Variants in PRKCA observed in about 807,000 individuals in gnomAD.
The protein encoded by PRKCA is protein kinase C alpha type.
Under a neutral mutation model 87.0 loss-of-function variants are expected in PRKCA, and 27 were observed. That is an observed-to-expected ratio of 0.31 (90% CI 0.23 to 0.43). The LOEUF (loss-of-function observed/expected upper bound fraction) is 0.43, where lower values mean the gene tolerates loss of function less well. Ranked by LOEUF, PRKCA falls within the 20% of genes least tolerant of loss-of-function variation. PRKCA has a pLI of 1.00. For missense variants in PRKCA, 518 were observed against 852.3 expected, an observed-to-expected ratio of 0.61 and a Z score of 4.88; for synonymous variants, 329 against 311.1, an observed-to-expected ratio of 1.06 and a Z score of -0.61.
intron 2 of PRKCA, among the ~76,000 whole-genome samples, chr17:66,369,130 A>G (rs1270797827): frequency 6.6e-6 from 1 of 152,212 alleles, no homozygotes; most frequent in African/African-American, 2.4e-5. Context: ...ACAGCTTATA[A>G]TTCAGCTTGT....
chr17:66,555,731 T>A lies in PRKCA; in HGVS notation c.288+59448T>A, dbSNP rs901646143. 1.6e-4 allele frequency among the ~76,000 whole-genome samples: 14 copies of A among 88,300 alleles called. No homozygotes were observed. The East Asian group carries it at 2.4e-3, about 15-fold the overall frequency. The allele number at this position is 88,300 out of a possible 152,430, so 57.9% of individuals were successfully genotyped here. A position where few individuals can be genotyped will look rare whatever the true frequency, so the allele number is the denominator to read the frequency against. On this transcript the variant is annotated intron_variant, in intron 3 of 16. Coordinates refer to ENST00000413366, the MANE Select transcript of PRKCA (RefSeq NM_002737.3). ...TTTGGATTGCAGGTTTAAAAAAAAA[T>A]TTTTTTTTTATTGCTGAGACTTCTA...
intron 2 of PRKCA, among the ~76,000 whole-genome samples, chr17:66,456,833 A>AT (rs1339834756): frequency 6.6e-6 from 1 of 152,212 alleles, no homozygotes; most frequent in Non-Finnish European, 1.5e-5. Context: ...AGCCCGTACT[A>AT]GCCTTGGAGG....
At chr17:66,356,815 T>C (rs1291158827) in intron 2 of PRKCA, among the ~76,000 whole-genome samples, 1 of 152,152 alleles carries the variant, frequency 6.6e-6, no homozygotes, top group African/African-American at 2.4e-5. Flanking sequence ...ACTGGAGTGG[T>C]GTGATTTCAG....
At chr17:66,521,674 T>C (rs563559278) in intron 3 of PRKCA, among the ~76,000 whole-genome samples, 2 of 152,224 alleles carry the variant, frequency 1.3e-5, no homozygotes, top group African/African-American at 4.8e-5. Flanking sequence ...TTACAGTAAA[T>C]ATTGAAAAGA....
rs1917221418 is a variant in PRKCA, at chr17:66,511,382, G to A, written c.288+15099G>A. ...GACCAAGGAAGCTTGAAAAAGAAGG[G>A]GAGTTCATACAGCAGGTCTTAAAAT... On this transcript the variant is annotated intron_variant, in intron 3 of 16. Coordinates refer to ENST00000413366, the MANE Select transcript of PRKCA (RefSeq NM_002737.3). Among the ~76,000 whole-genome samples, 3 of 152,088 alleles carry A rather than the reference G, an allele frequency of 2.0e-5. No individual in the cohort carries two copies. In the South Asian group the frequency reaches 6.2e-4, roughly 32 times the overall value.
At chr17:66,420,908 C>T (rs1912453256) in intron 2 of PRKCA, among the ~76,000 whole-genome samples, 1 of 152,204 alleles carries the variant, frequency 6.6e-6, no homozygotes, top group South Asian at 2.1e-4. Flanking sequence ...TCAAAACCCC[C>T]TTCACATAAT....
At chr17:66,623,401 C>T (rs1020445871) in intron 3 of PRKCA, among the ~76,000 whole-genome samples, 6 of 152,108 alleles carry the variant, frequency 3.9e-5, no homozygotes, top group East Asian at 3.9e-4. Flanking sequence ...GTGTCACCCA[C>T]GAAGGAATGG....
At chr17:66,362,062 T>C (rs758515715) in intron 2 of PRKCA, among the ~76,000 whole-genome samples, 1 of 151,932 alleles carries the variant, frequency 6.6e-6, no homozygotes, top group Non-Finnish European at 1.5e-5. Flanking sequence ...TGATACGGAG[T>C]TTCGCTCTTG....
At chr17:66,759,513 A>G (rs186261683) in intron 13 of PRKCA, among the ~76,000 whole-genome samples, 36 of 149,312 alleles carry the variant, frequency 2.4e-4, no homozygotes, top group Admixed American at 1.9e-3. Context: ...AAGAGGCAGA[A>G]AAAGAGTGGG....
intron 13 of PRKCA, among the ~76,000 whole-genome samples, chr17:66,756,242 G>A (rs9892350): frequency 0.079 from 12,014 of 152,134 alleles, 524 homozygotes; most frequent in African/African-American, 0.11. Context: ...CTCAGGAGAC[G>A]CTAATGTGAG....
At chr17:66,433,048 A>G (rs1469650681) in intron 2 of PRKCA, among the ~76,000 whole-genome samples, 1 of 152,054 alleles carries the variant, frequency 6.6e-6, no homozygotes, top group Non-Finnish European at 1.5e-5. Flanking sequence ...AGCCGGGGGG[A>G]AGGAGGTAGT....
At chr17:66,338,740 A>G (rs1269848344) in intron 2 of PRKCA, among the ~76,000 whole-genome samples, 1 of 152,200 alleles carries the variant, frequency 6.6e-6, no homozygotes, top group Non-Finnish European at 1.5e-5. Context: ...TGTGGAATGT[A>G]CTATAACCAA....
At chr17:66,316,737 G>T (rs1398436252) in intron 2 of PRKCA, among the ~76,000 whole-genome samples, 1 of 152,050 alleles carries the variant, frequency 6.6e-6, no homozygotes, top group Non-Finnish European at 1.5e-5. Flanking sequence ...ATAGCATCAT[G>T]TTGGGAGTCC....
chr17:66,565,089 CTTA>C (rs1968845909), intron 3 of PRKCA, among the ~76,000 whole-genome samples: 1 of 152,204 alleles, frequency 6.6e-6, no homozygotes, highest in African/African-American at 2.4e-5. Flanking sequence ...GGTCCCAACA[CTTA>C]TTATGGATGT....
chr17:66,745,187 A>C (rs1974244511), intron 13 of PRKCA, among the ~76,000 whole-genome samples: 1 of 152,178 alleles, frequency 6.6e-6, no homozygotes, highest in African/African-American at 2.4e-5. Flanking sequence ...GAACCTCCTC[A>C]CTGTCCTCAA....
intron 5 of PRKCA, among the ~76,000 whole-genome samples, chr17:66,671,735 G>A (rs542068624): frequency 1.3e-5 from 2 of 152,320 alleles, no homozygotes; most frequent in South Asian, 2.1e-4. Context: ...CTGTGTACCT[G>A]GATGGAGAAA....
At chr17:66,518,708 A>G (rs1373488547) in intron 3 of PRKCA, among the ~76,000 whole-genome samples, 6 of 152,236 alleles carry the variant, frequency 3.9e-5, no homozygotes, top group Non-Finnish European at 1.5e-5. Flanking sequence ...CATTCAAAAA[A>G]GAAAAGATTT....
intron 2 of PRKCA, among the ~76,000 whole-genome samples, chr17:66,452,927 T>C (rs1914396951): frequency 6.6e-6 from 1 of 152,234 alleles, no homozygotes; most frequent in African/African-American, 2.4e-5. Flanking sequence ...TTATAAGGGC[T>C]GGTGTCTTAA....
rs761243704 is a variant in PRKCA at position 66,302,871 on chromosome 17, G to A, written c.20G>A (p.Gly7Asp). 6.2e-7 allele frequency: 1 copy of A among 1,608,626 alleles called. No individual in the cohort carries two copies. Among genetic ancestry groups the A allele is most frequent in the South Asian group, 1.1e-5 (1 of 90,282 alleles). ...GGGACCATGGCTGACGTTTTCCCGG[G>A]CAACGACTCCACGGCGTCTCAGGAC... MADVFP[G>D]NDSTASQDVA... is the part of the protein sequence containing the mutation. The change falls in exon 1 of 17, where the codon GGC (glycine) becomes GAC (aspartate). Residue 7 changes from glycine (G) to aspartate (D), a missense_variant. By Grantham distance (94) the Gly-to-Asp change is moderately conservative. This residue lies in a region of PRKCA where 33 missense variants were observed against 34.1 expected (regional missense o/e 0.97). Transcript: ENST00000413366.
Sources: allele counts gnomAD v4.1 joint callset (sites outside exome capture counted in the v4.1 genomes callset), GRCh38; gene constraint gnomAD v4.1.1; regional missense constraint gnomAD v4.1.1; transcripts MANE v1.5; gene names NCBI Gene and HGNC (gene_info 2026-07-23, HGNC 2026-07-21).